Variants in LRP1B observed in about 807,000 individuals in gnomAD.
LRP1B encodes the protein low-density lipoprotein receptor-related protein 1B.
LRP1B carries 217 observed loss-of-function variants against 556.6 expected under a neutral mutation model. The ratio of observed to expected loss-of-function variants is 0.39; its 90% CI spans 0.35 to 0.44. The LOEUF is 0.44. Ranked by LOEUF, LRP1B falls within the 20% of genes least tolerant of loss-of-function variation. LRP1B has a pLI of 1.00. For missense variants in LRP1B, 5,053 were observed against 5,620.8 expected (o/e 0.90, Z 3.23); for synonymous variants, 2,047 against 1,865.8 (o/e 1.10, Z -2.50).
intron 1 of LRP1B, among the ~76,000 whole-genome samples, chr2:142,130,401 G>A (rs1038550150): frequency 2.0e-5 from 3 of 152,206 alleles, no homozygotes; most frequent in South Asian, 2.1e-4. Context: ...CACTCCCGGA[G>A]GGGACAAAAT....
chr2:141,997,874 T>C (rs1290365217), intron 1 of LRP1B, among the ~76,000 whole-genome samples: 3 of 152,252 alleles, frequency 2.0e-5, no homozygotes, highest in Non-Finnish European at 4.4e-5. Flanking sequence ...GACCCTTTTT[T>C]GGAGGAAACT....
At position 140,316,407 on chromosome 2, in the gene LRP1B, C is replaced by T. The variant is rs566191105; in HGVS notation, c.12641-1308G>A. ...TCAAATGACACAATGATTCAAGTAT[C>T]ATGTCCACTGTCATAAATAGAAACT... On this transcript the variant is annotated intron_variant, in intron 82 of 90. Transcript: ENST00000389484. 1.4e-4 allele frequency among the ~76,000 whole-genome samples: 21 copies of T among 152,184 alleles called. No homozygotes were observed. In the East Asian group the frequency reaches 4.1e-3, roughly 29 times the overall value.
At chr2:140,758,253 T>A (rs970695589) in intron 35 of LRP1B, among the ~76,000 whole-genome samples, 1 of 151,002 alleles carries the variant, frequency 6.6e-6, no homozygotes, top group Non-Finnish European at 1.5e-5. Flanking sequence ...AAATTGCTAA[T>A]CATAACATAG....
intron 31 of LRP1B, 116 bp from the exon 32 acceptor site, chr2:140,813,922 T>C (rs1169828382): frequency 1.1e-5 from 8 of 707,920 alleles, no homozygotes; most frequent in Non-Finnish European, 1.9e-5. Flanking sequence ...TTTTTGTCTT[T>C]ACAAATAAGA....
chr2:140,763,950 A>G (rs1164802654), intron 35 of LRP1B, among the ~76,000 whole-genome samples: 2 of 152,160 alleles, frequency 1.3e-5, no homozygotes, highest in Non-Finnish European at 2.9e-5. Context: ...ACAAGAAGAA[A>G]TTGAAGCAGC....
intron 11 of LRP1B, among the ~76,000 whole-genome samples, chr2:141,035,787 CACTT>C (rs1698515857): frequency 6.6e-6 from 1 of 151,916 alleles, no homozygotes; most frequent in African/African-American, 2.4e-5. Context: ...AAGTAGAAAA[CACTT>C]AAATCTTTTT....
intron 35 of LRP1B, among the ~76,000 whole-genome samples, chr2:140,766,201 G>T (rs1263679658): frequency 9.2e-6 from 1 of 109,068 alleles, no homozygotes; most frequent in Non-Finnish European, 2.1e-5. Flanking sequence ...TGAAGGTCAT[G>T]ATTTAAAAAA....
intron 29 of LRP1B, among the ~76,000 whole-genome samples, chr2:140,843,095 T>G (rs868110954): frequency 0.025 from 748 of 30,296 alleles, 21 homozygotes; most frequent in Non-Finnish European, 0.041. Context: ...GTTTTTTTTT[T>G]TTTTGTTTTT....
intron 53 of LRP1B, among the ~76,000 whole-genome samples, chr2:140,505,269 A>G (rs991812921): frequency 2.0e-5 from 3 of 146,590 alleles, no homozygotes; most frequent in African/African-American, 7.3e-5. Context: ...AAGTGAAGTG[A>G]CCTTTTCAAG....
chr2:140,795,149 C>T (rs1387680121), intron 32 of LRP1B, among the ~76,000 whole-genome samples: 1 of 152,072 alleles, frequency 6.6e-6, no homozygotes, highest in African/African-American at 2.4e-5. Flanking sequence ...ACTAAAGAGC[C>T]TTCTTGTAAA....
chr2:141,285,639 A>G (rs1346097081), intron 3 of LRP1B, among the ~76,000 whole-genome samples: 1 of 146,590 alleles, frequency 6.8e-6, no homozygotes, highest in Non-Finnish European at 1.5e-5. Context: ...TATTTTTAGT[A>G]GAGACGGGGA....
At chr2:140,695,891 T>G (rs907258111) in intron 41 of LRP1B, among the ~76,000 whole-genome samples, 1 of 152,230 alleles carries the variant, frequency 6.6e-6, no homozygotes, top group Non-Finnish European at 1.5e-5. Flanking sequence ...TGTCATCTTT[T>G]AAACCTGAGG....
At chr2:141,443,473 G>A (rs1181031962) in intron 3 of LRP1B, among the ~76,000 whole-genome samples, 1 of 152,166 alleles carries the variant, frequency 6.6e-6, no homozygotes, top group Non-Finnish European at 1.5e-5. Context: ...TGTTGCCATT[G>A]CTTTTGGTGT....
At chr2:140,474,116 T>G (rs1312609772) in intron 60 of LRP1B, among the ~76,000 whole-genome samples, 1 of 151,964 alleles carries the variant, frequency 6.6e-6, no homozygotes. Flanking sequence ...TCTAAAAACT[T>G]CCTGTCAACA....
intron 3 of LRP1B, among the ~76,000 whole-genome samples, chr2:141,395,720 A>G (rs10803483): frequency 0.56 from 84,496 of 151,922 alleles, 24,924 homozygotes; most frequent in Non-Finnish European, 0.67. Flanking sequence ...AAAACTCTGG[A>G]GTATTAAGAA....
intron 3 of LRP1B, among the ~76,000 whole-genome samples, chr2:141,297,411 A>T (rs1337975570): frequency 6.6e-6 from 1 of 152,180 alleles, no homozygotes; most frequent in Non-Finnish European, 1.5e-5. Context: ...TTTCTCTAAG[A>T]AGTAAGAGTT....
At chr2:140,518,042 C>A (rs1174568286) in intron 49 of LRP1B, among the ~76,000 whole-genome samples, 1 of 152,010 alleles carries the variant, frequency 6.6e-6, no homozygotes, top group Non-Finnish European at 1.5e-5. Context: ...TCATCTGTTC[C>A]ATTGCTCCTT....
At chr2:141,609,751 C>G (rs552046410) in intron 2 of LRP1B, among the ~76,000 whole-genome samples, 11 of 152,190 alleles carry the variant, frequency 7.2e-5, no homozygotes, top group Middle Eastern at 3.4e-3. Context: ...TTCCAGGTGC[C>G]CACACAACTC....
chr2:141,108,829 G>A (rs1421548452), intron 7 of LRP1B, among the ~76,000 whole-genome samples: 1 of 152,080 alleles, frequency 6.6e-6, no homozygotes, highest in African/African-American at 2.4e-5. Flanking sequence ...AAAGGTATGT[G>A]GGCCAAGCTT....
Sources: allele counts gnomAD v4.1 joint callset (sites outside exome capture counted in the v4.1 genomes callset), GRCh38; gene constraint gnomAD v4.1.1; transcripts MANE v1.5; gene names NCBI Gene and HGNC (gene_info 2026-07-23, HGNC 2026-07-21).